The following PRUNE2 variants were observed in gnomAD, a reference collection of about 807,000 sequenced individuals.
PRUNE2 encodes prune homolog 2 with BCH domain, also known as protein prune homolog 2.
A neutral mutation model predicts 252.0 loss-of-function variants in PRUNE2; 164 were observed. That is an observed-to-expected ratio of 0.65 (90% CI 0.57 to 0.74). PRUNE2 has a LOEUF of 0.74. PRUNE2 is among the 30% of genes least tolerant of loss of function. The pLI, the probability that PRUNE2 is intolerant of heterozygous loss-of-function variation, is 0.00. For synonymous variants in PRUNE2, 1,292 were observed against 1,350.2 expected (o/e 0.96, Z 0.94); for missense variants, 3,495 against 3,711.0 (o/e 0.94, Z 1.51).
chr9:76,795,299 C>T (rs1430849352), intron 6 of PRUNE2, among the ~76,000 whole-genome samples: 1 of 152,162 alleles, frequency 6.6e-6, no homozygotes, highest in Non-Finnish European at 1.5e-5. Flanking sequence ...AAAGACATCA[C>T]ACCGTCAAAA....
At position 76,652,658 on chromosome 9, in the gene PRUNE2, A is replaced by G; in HGVS notation, c.8382T>C (p.Asn2794=). The G allele has an allele frequency of 6.2e-7, 1 of 1,612,206 alleles. No homozygotes were observed. The highest frequency in any genetic ancestry group is 2.2e-5 in the East Asian group (1 of 44,844). Residue 2794 remains asparagine, a synonymous_variant, in exon 11 of 19, where the codon AAT becomes AAC. Transcript: ENST00000376718. The part of the protein sequence containing the change: ...RPEPPNSLDL[N]DTHPRRIKLT... The stretch of plus-strand genomic sequence containing the variant: ...GCTTGATTCTCCGAGGATGAGTGTC[A>G]TTAAGATCCAGAGAATTAGGAGGTT...
chr9:76,897,579 A>C (rs1183159435), intron 1 of PRUNE2, among the ~76,000 whole-genome samples: 1 of 151,056 alleles, frequency 6.6e-6, no homozygotes, highest in East Asian at 2.0e-4. Context: ...ACGCCCAGTT[A>C]ATTTTTTTGT....
intron 5 of PRUNE2, among the ~76,000 whole-genome samples, chr9:76,825,329 A>G (rs1337004594): frequency 6.6e-6 from 1 of 152,216 alleles, no homozygotes; most frequent in Non-Finnish European, 1.5e-5. Context: ...CAGCTCCTGG[A>G]GCCGAGATGA....
intron 9 of PRUNE2, among the ~76,000 whole-genome samples, chr9:76,694,046 G>C (rs933660651): frequency 6.6e-6 from 1 of 152,178 alleles, no homozygotes; most frequent in African/African-American, 2.4e-5. Context: ...CCAGGGCAAA[G>C]GCTGAAAATG....
chr9:76,705,586 T>C lies in PRUNE2; in HGVS notation c.6688A>G (p.Asn2230Asp), dbSNP rs1267051777. 3 of 1,613,906 alleles carry C rather than the reference T, an allele frequency of 1.9e-6. No homozygotes were observed. The highest frequency in any genetic ancestry group is 1.7e-6 in the Non-Finnish European group (2 of 1,179,896). The change falls in exon 8 of 19, where the codon AAT becomes GAT. Residue 2230 changes from asparagine to aspartate, a missense_variant. Coordinates refer to ENST00000376718, the MANE Select transcript of PRUNE2 (RefSeq NM_015225.3). ...GTTACAAAAATGCTAGTTGCCACAT[T>C]TTCAATCCTTGGGATTCTTCTGTCA... ...PVDRRIPRIE[N>D]VATSIFVTHQ...
intron 4 of PRUNE2, among the ~76,000 whole-genome samples, chr9:76,829,893 T>C (rs1056860541): frequency 4.6e-5 from 7 of 151,704 alleles, no homozygotes; most frequent in African/African-American, 1.7e-4. Flanking sequence ...CCATAACAAA[T>C]TGCCAATCAC....
intron 1 of PRUNE2, among the ~76,000 whole-genome samples, chr9:76,901,011 AG>A (rs1233028126): frequency 6.6e-6 from 1 of 152,200 alleles, no homozygotes; most frequent in African/African-American, 2.4e-5. Flanking sequence ...CACTGCCTAA[AG>A]GGTGACCTTG....
intron 1 of PRUNE2, chr9:76,862,645 C>CG: frequency 6.6e-6 from 1 of 152,138 alleles, no homozygotes; most frequent in Non-Finnish European, 1.5e-5. Flanking sequence ...CCTACACTCA[C>CG]GTCACCTAAG....
chr9:76,780,582 T>G (rs1480956801), intron 6 of PRUNE2, among the ~76,000 whole-genome samples: 5 of 151,926 alleles, frequency 3.3e-5, no homozygotes, highest in African/African-American at 7.3e-5. Flanking sequence ...TCCCAGCTAC[T>G]CGGGAGGCTG....
rs748114957 is a variant in PRUNE2 at position 76,708,556 on chromosome 9, T to C, written c.3718A>G (p.Ile1240Val). ...SSFMLPGSSH[I>V]TDSEQRELPP... ...AATTCCCTTTGCTCTGAATCTGTGA[T>C]ATGTGAGGAGCCTGGTAACATGAAT... The change falls in exon 8 of 19, where the codon ATC (isoleucine) becomes GTC (valine). Residue 1240 changes from isoleucine to valine, a missense_variant. Transcript: ENST00000376718. 3 of 1,613,984 alleles carry C rather than the reference T, an allele frequency of 1.9e-6. No homozygotes were observed. The highest frequency in any genetic ancestry group is 2.5e-6 in the Non-Finnish European group (3 of 1,179,884).
At chr9:76,648,922 G>GT (rs1208689275) in intron 11 of PRUNE2, among the ~76,000 whole-genome samples, 7 of 152,152 alleles carry the variant, frequency 4.6e-5, no homozygotes, top group African/African-American at 1.7e-4. Flanking sequence ...AGACTTTATA[G>GT]TAAGTGAGAA....
chr9:76,879,878 C>CATATATAT (rs1391636538), intron 1 of PRUNE2, among the ~76,000 whole-genome samples: 12 of 75,370 alleles, frequency 1.6e-4, no homozygotes, highest in East Asian at 1.5e-3. Context: ...AGAGGCCTGT[C>CATATATAT]ATATATATAT....
At chr9:76,642,310 G>A (rs1842963579) in intron 12 of PRUNE2, among the ~76,000 whole-genome samples, 1 of 152,214 alleles carries the variant, frequency 6.6e-6, no homozygotes, top group Non-Finnish European at 1.5e-5. Flanking sequence ...CAAGGTTACA[G>A]ACTAGTAAGT....
At chr9:76,670,593 G>C (rs2041203761) in intron 9 of PRUNE2, among the ~76,000 whole-genome samples, 2 of 152,180 alleles carry the variant, frequency 1.3e-5, no homozygotes, top group Admixed American at 6.5e-5. Context: ...TCCACCTCTG[G>C]GGGCAGGACA....
intron 9 of PRUNE2, among the ~76,000 whole-genome samples, chr9:76,684,940 C>G (rs764109902): frequency 7.2e-5 from 11 of 152,054 alleles, no homozygotes; most frequent in Non-Finnish European, 1.5e-4. Context: ...TTAGTAGAGA[C>G]GGGGTTTCAC....
chr9:76,705,467 A>G lies in PRUNE2; in HGVS notation c.6807T>C (p.Gly2269=), dbSNP rs756389278. Reference sequence around the variant, plus strand: ...GATTCTCTGTGGATAAATGTGGATCACCATCAAACAAAGCTCTTGCACCAG... The same window carrying G: ...GATTCTCTGTGGATAAATGTGGATCGCCATCAAACAAAGCTCTTGCACCAG... The part of the protein sequence containing the change: ...SQPGARALFD[G]DPHLSTENPA... Residue 2269 remains glycine (G), a synonymous_variant, in exon 8 of 19, where the codon GGT becomes GGC. Transcript: ENST00000376718. 26 of 1,613,872 alleles carry G rather than the reference A, an allele frequency of 1.6e-5. No individual in the cohort carries two copies. The highest frequency in any genetic ancestry group is 2.2e-5 in the Non-Finnish European group (26 of 1,179,864).
At chr9:76,774,459 T>TATTTATTTATTTATTTATTTATTTATTTA (rs759627070) in intron 6 of PRUNE2, among the ~76,000 whole-genome samples, 1 of 139,124 alleles carries the variant, frequency 7.2e-6, no homozygotes, top group African/African-American at 2.6e-5. Context: ...CCTTTTTTTT[T>TATTTATTTATTTATTTATTTATTTATTTA]TTTTTTTTTT....
At chr9:76,665,714 A>G (rs637207) in intron 9 of PRUNE2, among the ~76,000 whole-genome samples, 140,759 of 152,108 alleles carry the variant, frequency 0.93, 65,711 homozygotes, top group Non-Finnish European at 0.99. Context: ...AGAATGTCTC[A>G]CCACATAGTG....
intron 1 of PRUNE2, among the ~76,000 whole-genome samples, chr9:76,880,070 C>T (rs1312167053): frequency 1.3e-5 from 2 of 151,196 alleles, no homozygotes; most frequent in East Asian, 1.9e-4. Flanking sequence ...CGCGCCACCA[C>T]GCCCGGCTAA....
Sources: gnomAD v4.1 joint callset for allele counts (sites outside exome capture counted in the v4.1 genomes callset) on GRCh38, gnomAD v4.1.1 for gene constraint, MANE v1.5 for transcripts, NCBI Gene and HGNC (gene_info 2026-07-23, HGNC 2026-07-21) for gene names.